RASGRP3: variants seen among roughly 807,000 people sequenced by gnomAD.
The protein encoded by RASGRP3 is ras guanyl-releasing protein 3.
RASGRP3 carries 54 observed loss-of-function variants against 82.7 expected under a neutral mutation model. That is an observed-to-expected ratio of 0.65 (90% CI 0.52 to 0.82). The LOEUF (loss-of-function observed/expected upper bound fraction) is 0.82. Among genes scored for constraint, RASGRP3 ranks in the 40% least tolerant of loss-of-function variants. RASGRP3 has a pLI of 0.00. For missense variants in RASGRP3, 861 were observed against 828.9 expected (o/e 1.04, Z -0.48); for synonymous variants, 309 against 300.5 (o/e 1.03, Z -0.29).
intron 7 of RASGRP3, 42 bp downstream of exon 7, chr2:33,522,144 C>G (rs1239970651): frequency 1.3e-6 from 2 of 1,566,170 alleles, no homozygotes; most frequent in South Asian, 2.4e-5. Flanking sequence ...TAACAACCAC[C>G]ATGCCAACTT....
Position 33,439,381 on chromosome 2 carries a change from G to A in RASGRP3, c.-385+2790G>A, listed in dbSNP as rs958107512. Among the ~76,000 whole-genome samples, 4 of 152,260 alleles carry A rather than the reference G, an allele frequency of 2.6e-5. No homozygotes were observed. In the East Asian group the frequency reaches 7.7e-4, roughly 29 times the overall value. ...CTTGGTAAGCGGGAGGAGAGCTGAT[G>A]GATGAGGGAGATGAGGACATCTATG... On this transcript the variant is annotated intron_variant, in intron 1 of 18. Transcript: ENST00000402538.
chr2:33,557,336 A>C (rs1456652391), intron 15 of RASGRP3, among the ~76,000 whole-genome samples: 1 of 152,230 alleles, frequency 6.6e-6, no homozygotes, highest in Non-Finnish European at 1.5e-5. Context: ...TACTGAGCAT[A>C]TGCCCATCTT....
At chr2:33,476,791 G>A in intron 1 of RASGRP3, 84 bp downstream of exon 1, 1 of 150,302 alleles carries the variant, frequency 6.7e-6, no homozygotes, top group Non-Finnish European at 1.5e-5. Flanking sequence ...GTGTGTGTGT[G>A]TGTGTTGCAA....
intron 2 of RASGRP3, among the ~76,000 whole-genome samples, chr2:33,465,208 GA>G (rs536661245): frequency 7.1e-4 from 108 of 152,320 alleles, no homozygotes; most frequent in African/African-American, 2.5e-3. Flanking sequence ...CTGATATGAA[GA>G]AAGTTTTAGT....
At chr2:33,523,673 G>A (rs919436923) in intron 7 of RASGRP3, among the ~76,000 whole-genome samples, 3 of 152,074 alleles carry the variant, frequency 2.0e-5, no homozygotes, top group Admixed American at 1.3e-4. Context: ...GTCTTTGCGT[G>A]GGGTGAGTAG....
chr2:33,446,950 T>C (rs1283113639), intron 1 of RASGRP3, among the ~76,000 whole-genome samples: 2 of 151,986 alleles, frequency 1.3e-5, no homozygotes, highest in Non-Finnish European at 2.9e-5. Flanking sequence ...GAAACCATCC[T>C]GGCTAACGCG....
chr2:33,547,075 G>A (rs112489287), intron 13 of RASGRP3, among the ~76,000 whole-genome samples: 16 of 111,072 alleles, frequency 1.4e-4, no homozygotes, highest in Admixed American at 3.8e-4. Context: ...AAAAAAAAAA[G>A]AGAGAGAGAA....
intron 4 of RASGRP3, among the ~76,000 whole-genome samples, chr2:33,518,254 A>G (rs1024949953): frequency 6.6e-6 from 1 of 152,242 alleles, no homozygotes; most frequent in Non-Finnish European, 1.5e-5. Flanking sequence ...AAACCTGTAC[A>G]GCATGTCGCT....
intron 7 of RASGRP3, among the ~76,000 whole-genome samples, chr2:33,522,916 C>T (rs1490157905): frequency 6.6e-6 from 1 of 152,182 alleles, no homozygotes; most frequent in Non-Finnish European, 1.5e-5. Context: ...ACAGGCAGGC[C>T]ATGGGAGTCC....
At chr2:33,480,825 C>A (rs986140889) in intron 1 of RASGRP3, among the ~76,000 whole-genome samples, 4 of 152,118 alleles carry the variant, frequency 2.6e-5, no homozygotes, top group Admixed American at 2.6e-4. Context: ...GATTTGAAGT[C>A]TTTGGATTTT....
chr2:33,503,933 C>T (rs1289605349), intron 1 of RASGRP3, among the ~76,000 whole-genome samples: 1 of 152,048 alleles, frequency 6.6e-6, no homozygotes, highest in African/African-American at 2.4e-5. Flanking sequence ...ATTGTGCAAC[C>T]CCTATGCTTT....
At chr2:33,496,889 C>T (rs531277655) in intron 1 of RASGRP3, among the ~76,000 whole-genome samples, 1 of 152,036 alleles carries the variant, frequency 6.6e-6, no homozygotes, top group Non-Finnish European at 1.5e-5. Context: ...ACAAAAAAAA[C>T]AAACCCCTAC....
At chr2:33,456,481 G>T (rs1476851313) in intron 2 of RASGRP3, among the ~76,000 whole-genome samples, 2 of 151,876 alleles carry the variant, frequency 1.3e-5, no homozygotes, top group African/African-American at 4.8e-5. Context: ...ATACATACTT[G>T]ATTTAACAAA....
intron 15 of RASGRP3, among the ~76,000 whole-genome samples, chr2:33,557,344 C>G (rs1676098150): frequency 6.6e-6 from 1 of 152,198 alleles, no homozygotes. Context: ...ATATGCCCAT[C>G]TTGTGTTCTG....
At chr2:33,531,253 G>A (rs897816940) in intron 10 of RASGRP3, among the ~76,000 whole-genome samples, 2 of 152,158 alleles carry the variant, frequency 1.3e-5, no homozygotes, top group African/African-American at 4.8e-5. Context: ...AAGAACATTT[G>A]TCAGAAAAAA....
At chr2:33,537,330 C>CCCCCAACACA (rs66749495) in intron 11 of RASGRP3, among the ~76,000 whole-genome samples, 2 of 95,716 alleles carry the variant, frequency 2.1e-5, no homozygotes, top group African/African-American at 9.1e-5. Flanking sequence ...ACCGCCCCCC[C>CCCCCAACACA]CACACACACA....
chr2:33,525,435 G>A (rs1672449115), intron 9 of RASGRP3, among the ~76,000 whole-genome samples: 1 of 151,418 alleles, frequency 6.6e-6, no homozygotes. Flanking sequence ...TTTTCTTCTT[G>A]AGCAAAAAGG....
At chr2:33,502,657 C>T (rs1669985889) in intron 1 of RASGRP3, among the ~76,000 whole-genome samples, 1 of 151,934 alleles carries the variant, frequency 6.6e-6, no homozygotes, top group Non-Finnish European at 1.5e-5. Flanking sequence ...AGACTACAGG[C>T]ACGCACCACC....
intron 10 of RASGRP3, among the ~76,000 whole-genome samples, chr2:33,528,917 T>C (rs1316154876): frequency 1.3e-5 from 2 of 152,134 alleles, no homozygotes; most frequent in African/African-American, 2.4e-5. Context: ...TCTGTTTCCA[T>C]GAATAAGTGA....
Sources: allele counts gnomAD v4.1 joint callset (sites outside exome capture counted in the v4.1 genomes callset), GRCh38; gene constraint gnomAD v4.1.1; transcripts MANE v1.5; gene names NCBI Gene and HGNC (gene_info 2026-07-23, HGNC 2026-07-21).